The following DOCK7 variants were observed in gnomAD, a reference collection of about 807,000 sequenced individuals.
DOCK7 encodes the protein dedicator of cytokinesis protein 7.
A neutral mutation model predicts 271.0 loss-of-function variants in DOCK7; 138 were observed. The observed-to-expected ratio is 0.51, with a 90% CI of 0.44 to 0.59. The LOEUF is 0.59. Ranked by LOEUF, DOCK7 falls within the 20% of genes least tolerant of loss-of-function variation. The pLI is 0.00. For synonymous variants in DOCK7, 823 were observed against 876.1 expected (o/e 0.94, Z 1.07); for missense variants, 2,066 against 2,592.4 (o/e 0.80, Z 4.41).
intron 18 of DOCK7, among the ~76,000 whole-genome samples, chr1:62,566,894 CAG>C (rs891112049): frequency 6.7e-5 from 6 of 89,438 alleles, no homozygotes; most frequent in African/African-American, 1.6e-4. Context: ...AGGTTATGAA[CAG>C]ACACTTCTCA....
chr1:62,603,667 G>A (rs1650491146), intron 14 of DOCK7, among the ~76,000 whole-genome samples: 1 of 151,664 alleles, frequency 6.6e-6, no homozygotes, highest in South Asian at 2.1e-4. Context: ...CTCTACCAAT[G>A]ACGAGACTTT....
At chr1:62,685,189 C>G (rs767679689) in intron 1 of DOCK7, among the ~76,000 whole-genome samples, 1 of 152,132 alleles carries the variant, frequency 6.6e-6, no homozygotes, top group Non-Finnish European at 1.5e-5. Flanking sequence ...AACAACCCTA[C>G]GAGGTTAAGT....
chr1:62,475,531 T>C (rs374363073), intron 46 of DOCK7, 176 bp downstream of exon 46: 18 of 1,089,748 alleles, frequency 1.7e-5, no homozygotes, highest in Non-Finnish European at 1.7e-5. Flanking sequence ...AAGAAAAAGC[T>C]GGGGGTGAAT....
chr1:62,540,317 G>A (rs545064315), intron 25 of DOCK7, among the ~76,000 whole-genome samples: 5 of 151,980 alleles, frequency 3.3e-5, no homozygotes, highest in Non-Finnish European at 7.4e-5. Context: ...AGGACTACAG[G>A]TGCACACTAC....
intron 1 of DOCK7, among the ~76,000 whole-genome samples, chr1:62,669,588 T>C (rs1659699887): frequency 6.6e-6 from 1 of 152,276 alleles, no homozygotes; most frequent in South Asian, 2.1e-4. Context: ...GGCATTTTTC[T>C]ATCTCATTGT....
At chr1:62,475,976 T>C in intron 45 of DOCK7, 33 bp from the exon 46 acceptor site, 1 of 1,605,130 alleles carries the variant, frequency 6.2e-7, no homozygotes, top group Non-Finnish European at 8.5e-7. Context: ...ATTTCCTCAC[T>C]GTTAAGTCAT....
At chr1:62,648,583 A>C (rs1656961591) in intron 4 of DOCK7, 39 bp from the exon 5 acceptor site, 3 of 1,137,930 alleles carry the variant, frequency 2.6e-6, no homozygotes, top group Non-Finnish European at 3.5e-6. Flanking sequence ...TCAACTATCA[A>C]ACTTAGGAAT....
intron 12 of DOCK7, among the ~76,000 whole-genome samples, chr1:62,620,221 G>A (rs554271367): frequency 3.9e-5 from 6 of 152,092 alleles, no homozygotes; most frequent in Admixed American, 3.3e-4. Flanking sequence ...TACATGGGAG[G>A]CTGAGGCAGG....
intron 14 of DOCK7, among the ~76,000 whole-genome samples, chr1:62,588,301 A>G (rs1411952377): frequency 6.6e-6 from 1 of 152,246 alleles, no homozygotes; most frequent in African/African-American, 2.4e-5. Context: ...TGAGGAACAT[A>G]GTATAATGGG....
At chr1:62,636,297 A>G (rs1655264254) in intron 8 of DOCK7, among the ~76,000 whole-genome samples, 1 of 152,158 alleles carries the variant, frequency 6.6e-6, no homozygotes, top group African/African-American at 2.4e-5. Context: ...TGTCTTTTCT[A>G]TTTCTTAAAG....
chr1:62,660,045 A>G (rs956259337), intron 2 of DOCK7, among the ~76,000 whole-genome samples: 2 of 152,212 alleles, frequency 1.3e-5, no homozygotes, highest in Admixed American at 6.5e-5. Flanking sequence ...ATACAGTATA[A>G]TTCAAAAGCA....
intron 14 of DOCK7, among the ~76,000 whole-genome samples, chr1:62,596,547 G>C (rs1231370686): frequency 6.6e-6 from 1 of 151,800 alleles, no homozygotes; most frequent in East Asian, 1.9e-4. Context: ...TAATCGGCTG[G>C]GCTCATGCCT....
chr1:62,557,130 C>A (rs569657287), intron 20 of DOCK7, among the ~76,000 whole-genome samples: 1 of 148,556 alleles, frequency 6.7e-6, no homozygotes, highest in East Asian at 2.0e-4. Flanking sequence ...GAACTCCTAG[C>A]TTCAGGCAGT....
chr1:62,660,252 A>G (rs1658511862), intron 2 of DOCK7, among the ~76,000 whole-genome samples: 2 of 152,238 alleles, frequency 1.3e-5, no homozygotes, highest in South Asian at 4.1e-4. Flanking sequence ...TCAAACTAGA[A>G]AGTGGCAACA....
intron 14 of DOCK7, among the ~76,000 whole-genome samples, chr1:62,612,701 T>A (rs1651943584): frequency 6.6e-6 from 1 of 152,174 alleles, no homozygotes; most frequent in Non-Finnish European, 1.5e-5. Flanking sequence ...TTACTAAAAT[T>A]TATTAAGAGA....
intron 10 of DOCK7, among the ~76,000 whole-genome samples, 171 bp from the exon 11 acceptor site, chr1:62,631,576 A>G (rs1453971414): frequency 6.6e-6 from 1 of 152,192 alleles, no homozygotes; most frequent in Non-Finnish European, 1.5e-5. Context: ...TAACCAGTGA[A>G]CAAACTCAAC....
intron 14 of DOCK7, 122 bp from the exon 15 acceptor site, chr1:62,586,746 C>T: frequency 5.6e-6 from 3 of 531,738 alleles, no homozygotes; most frequent in South Asian, 4.1e-5. Context: ...AGCAATTATG[C>T]TAAGTATTTT....
At chr1:62,517,319 G>A (rs540266398) in intron 31 of DOCK7, among the ~76,000 whole-genome samples, 5 of 152,184 alleles carry the variant, frequency 3.3e-5, no homozygotes, top group South Asian at 4.2e-4. Flanking sequence ...CAAACAGGCC[G>A]GGCGCAGTGG....
intron 21 of DOCK7, among the ~76,000 whole-genome samples, chr1:62,553,340 ATATATATATATATATTTTTTTT>A (rs1645998992): frequency 1.2e-4 from 1 of 8,392 alleles, no homozygotes; most frequent in South Asian, 4.2e-3. Flanking sequence ...ATATATATAT[ATATATATATATATATTTTTTTT>A]TTTTTTTTTT....
Sources: allele counts gnomAD v4.1 joint callset (sites outside exome capture counted in the v4.1 genomes callset), GRCh38; gene constraint gnomAD v4.1.1; transcripts MANE v1.5; gene names NCBI Gene and HGNC (gene_info 2026-07-23, HGNC 2026-07-21).